The following SPTAN1 variants were observed in gnomAD, a reference collection of about 807,000 sequenced individuals.
SPTAN1 encodes spectrin alpha, non-erythrocytic 1, also known as spectrin alpha chain, non-erythrocytic 1.
In SPTAN1, 61 loss-of-function variants were observed where a neutral mutation model predicts 331.3. The ratio of observed to expected loss-of-function variants is 0.18; its 90% CI spans 0.15 to 0.23. The LOEUF is 0.23. SPTAN1 is among the 10% of genes least tolerant of loss of function. The pLI is 1.00. For missense variants in SPTAN1, 2,043 were observed against 3,147.9 expected (o/e 0.65, Z 8.40); for synonymous variants, 1,153 against 1,173.9 (o/e 0.98, Z 0.36).
intron 1 of SPTAN1, among the ~76,000 whole-genome samples, chr9:128,565,257 T>C (rs528589042): frequency 6.6e-6 from 1 of 152,238 alleles, no homozygotes; most frequent in South Asian, 2.1e-4. Context: ...GCTGAGATCA[T>C]GCCATTGCAC....
rs2227862 is a variant in SPTAN1 at position 128,617,688 on chromosome 9, C to T, written c.5406C>T (p.Thr1802=). Reference sequence around the variant, plus strand: ...CAGAGGACTACGGCCGGGACCTAACCGGCGTGCAGAACCTGAGGAAGAAGC... The same window carrying T: ...CAGAGGACTACGGCCGGGACCTAACTGGCGTGCAGAACCTGAGGAAGAAGC... ...VGSEDYGRDL[T]GVQNLRKKHK... is the part of the protein sequence containing the mutation. The change falls in exon 42 of 57, where the codon ACC becomes ACT. Residue 1802 remains threonine, a synonymous_variant. Coordinates refer to ENST00000372739, the MANE Select transcript of SPTAN1 (RefSeq NM_001130438.3). The T allele has an allele frequency of 0.85, 1,367,993 of 1,613,940 alleles. 593,604 individuals carry two copies. Among genetic ancestry groups the T allele is most frequent in the Non-Finnish European group, 0.9 (1,063,727 of 1,180,004 alleles).
chr9:128,579,187 G>T (rs1381787184), intron 9 of SPTAN1, among the ~76,000 whole-genome samples: 2 of 152,152 alleles, frequency 1.3e-5, no homozygotes, highest in African/African-American at 4.8e-5. Context: ...ATATGTGTGT[G>T]TTTCTTTTTG....
rs762445932 is a variant in SPTAN1 at position 128,627,897 on chromosome 9, C to T, written c.6690-28C>T. The T allele has an allele frequency of 1.2e-6, 2 of 1,614,114 alleles. No homozygotes were observed. Among genetic ancestry groups the T allele is most frequent in the Admixed American group, 3.3e-5 (2 of 60,030 alleles). On this transcript the variant is annotated intron_variant, in intron 50 of 56. Transcript: ENST00000372739. The surrounding 1 kb of genome is among the most constrained non-coding windows in gnomAD (Gnocchi z 4.9). Reference sequence around the variant, plus strand: ...CTGTTGTCCGGACACCACCTTGTCTCCCGGCTGCTTGGATCTGCTCTCCAC... The same window carrying T: ...CTGTTGTCCGGACACCACCTTGTCTTCCGGCTGCTTGGATCTGCTCTCCAC...
chr9:128,591,265 A>G lies in SPTAN1; in HGVS notation c.3007-212A>G, dbSNP rs10819419. Among the ~76,000 whole-genome samples, 147,017 of 151,842 alleles carry G rather than the reference A, an allele frequency of 0.97. 71,343 individuals are homozygous for G. The highest frequency in any genetic ancestry group is 1 in the Non-Finnish European group (67,950 of 67,992). On this transcript the variant is annotated intron_variant, in intron 21 of 56. Transcript: ENST00000372739. ...TCTTTTTTAGTAGAGACGGGGTTTC[A>G]CTGTGTTGGCCAGGATGGTCTCCAT...
In SPTAN1 at chr9:128,618,005, A is replaced by C. The variant is rs1410713748; in HGVS notation, c.5497A>C (p.Lys1833Gln). 1 of 1,614,156 alleles carries C rather than the reference A, an allele frequency of 6.2e-7. No individual in the cohort carries two copies. The highest frequency in any genetic ancestry group is 1.1e-5 in the South Asian group (1 of 91,076). The change falls in exon 43 of 57, where the codon AAG becomes CAG. Residue 1833 changes from lysine (K) to glutamine (Q), a missense_variant. Around this residue, in one of 12 missense-constraint regions of SPTAN1, gnomAD observed 323 missense variants for 581.1 expected, o/e 0.56. Transcript: ENST00000372739. ...CTGTCAGGGTGTCCTGGACACTGGC[A>C]AGAAGCTGTCCGATGACAACACCAT... is the stretch of plus-strand genomic sequence containing the variant. ...PAIQGVLDTG[K>Q]KLSDDNTIGK... is the part of the protein sequence containing the mutation.
At chr9:128,553,834 G>A (rs904421259) in intron 1 of SPTAN1, among the ~76,000 whole-genome samples, 1 of 152,142 alleles carries the variant, frequency 6.6e-6, no homozygotes, top group Non-Finnish European at 1.5e-5. Context: ...GCCATATGAA[G>A]TATTTTCATA....
At chr9:128,614,584 C>T (rs1397057105) in intron 40 of SPTAN1, among the ~76,000 whole-genome samples, 3 of 148,530 alleles carry the variant, frequency 2.0e-5, no homozygotes, top group Admixed American at 6.8e-5. Flanking sequence ...AATGAGACTA[C>T]GTCTCAAAAA....
Position 128,594,238 on chromosome 9 carries a change from G to A in SPTAN1, c.3279G>A (p.Lys1093=), listed in dbSNP as rs1321851301. 3.1e-6 allele frequency: 5 copies of A among 1,613,994 alleles called. No homozygotes were observed. The highest frequency in any genetic ancestry group is 4.2e-6 in the Non-Finnish European group (5 of 1,180,020). Residue 1093 remains lysine, a synonymous_variant, in exon 24 of 57, where the codon AAG becomes AAA. Coordinates refer to ENST00000372739, the MANE Select transcript of SPTAN1 (RefSeq NM_001130438.3). ...RKGMLEKSCK[K]FMLFREANEL... is the part of the protein sequence containing the mutation. ...GCATGTTGGAGAAGAGTTGCAAGAA[G>A]TTTATGTTGTTCCGTGAAGCGAATG... is the stretch of plus-strand genomic sequence containing the variant.
chr9:128,555,841 A>T (rs1848577131), intron 1 of SPTAN1, among the ~76,000 whole-genome samples: 1 of 152,140 alleles, frequency 6.6e-6, no homozygotes, highest in South Asian at 2.1e-4. Context: ...AAAATTTGAC[A>T]AATATTGTAA....
At chr9:128,563,015 T>C (rs922740596) in intron 1 of SPTAN1, among the ~76,000 whole-genome samples, 1 of 144,242 alleles carries the variant, frequency 6.9e-6, no homozygotes, top group Non-Finnish European at 1.5e-5. Flanking sequence ...TATATATATA[T>C]ATATATATAT....
chr9:128,573,106 G>A lies in SPTAN1; in HGVS notation c.364-1569G>A, dbSNP rs888225436. 4.6e-5 allele frequency among the ~76,000 whole-genome samples: 7 copies of A among 152,242 alleles called. No individual in the cohort carries two copies. The South Asian group carries it at 6.2e-4, about 14-fold the overall frequency. ...CTTCTTTTCTGTTAGTGTTTAAACC[G>A]CTTTGTTTGTTTTACTTATGTCTGT... On this transcript the variant is annotated intron_variant, in intron 3 of 56. Transcript: ENST00000372739.
Position 128,605,197 on chromosome 9 carries a change from ATCT to A in SPTAN1, c.3864+23_3864+25del. The A allele has an allele frequency of 1.2e-6, 2 of 1,614,136 alleles. No individual in the cohort carries two copies. The highest frequency in any genetic ancestry group is 1.7e-6 in the Non-Finnish European group (2 of 1,180,024). ...TGACAAGGTGAGAGGACCCAAAGTCATCTTCTGTCTGGCATTTTTGCCCCAGAA... is the reference window on the plus strand; with the variant it reads ...TGACAAGGTGAGAGGACCCAAAGTCATCTGTCTGGCATTTTTGCCCCAGAA... On this transcript the variant is annotated intron_variant, in intron 30 of 56. Transcript: ENST00000372739.
At chr9:128,626,718 C>T (rs755854784) in intron 49 of SPTAN1, 31 bp downstream of exon 49, 14 of 1,575,430 alleles carry the variant, frequency 8.9e-6, no homozygotes, top group East Asian at 2.3e-5. Flanking sequence ...AGGAGCTGCT[C>T]GGCCTCCCAG....
intron 16 of SPTAN1, 50 bp downstream of exon 16, chr9:128,584,019 G>A (rs772957209): frequency 1.9e-6 from 3 of 1,610,172 alleles, no homozygotes; most frequent in Middle Eastern, 1.6e-4. Flanking sequence ...AGAAACTATA[G>A]GAGGGAGGAA....
chr9:128,608,831 A>G (rs1856232957), intron 34 of SPTAN1, 43 bp from the exon 35 acceptor site: 1 of 1,592,488 alleles, frequency 6.3e-7, no homozygotes, highest in African/African-American at 1.3e-5. Context: ...GGCAGGGCCC[A>G]GCCACAGGCC....
rs759068430 is a variant in SPTAN1 at position 128,627,950 on chromosome 9, T to C, written c.6707+8T>C. ...GACATACCTCCTCGATGGGTTAATA[T>C]TGTTTTCTTCCTTCTCTGGGCTTGT... is the stretch of plus-strand genomic sequence containing the variant. On this transcript the variant is annotated splice_region_variant and intron_variant, in intron 51 of 56. Transcript: ENST00000372739. The surrounding 1 kb of genome is among the most constrained non-coding windows in gnomAD (Gnocchi z 4.9). 7.4e-6 allele frequency: 12 copies of C among 1,614,026 alleles called. No homozygotes were observed. The Admixed American group carries it at 1.3e-4, about 18-fold the overall frequency.
At chr9:128,612,787 G>A (rs776267211) in intron 39 of SPTAN1, among the ~76,000 whole-genome samples, 3 of 152,094 alleles carry the variant, frequency 2.0e-5, no homozygotes, top group East Asian at 1.9e-4. Context: ...TTAGCCAGGC[G>A]TGGTGGCACG....
chr9:128,554,474 CT>C (rs1167178739), intron 1 of SPTAN1, among the ~76,000 whole-genome samples: 3 of 152,152 alleles, frequency 2.0e-5, no homozygotes, highest in African/African-American at 7.2e-5. Flanking sequence ...ATTTTTTCTG[CT>C]TTTTCTTACC....
intron 1 of SPTAN1, among the ~76,000 whole-genome samples, chr9:128,562,364 G>A (rs1376413217): frequency 2.0e-5 from 3 of 152,164 alleles, no homozygotes; most frequent in African/African-American, 7.2e-5. Context: ...GCTTCCCAAA[G>A]TGCTGGGATT....
Sources: gnomAD v4.1 joint callset for allele counts (sites outside exome capture counted in the v4.1 genomes callset) on GRCh38, gnomAD v4.1.1 for gene constraint, gnomAD v4.1.1 regional missense constraint, Gnocchi (gnomAD v3.1) non-coding constraint, MANE v1.5 for transcripts, NCBI Gene and HGNC (gene_info 2026-07-23, HGNC 2026-07-21) for gene names.